The following MRPS11 variants were observed in gnomAD, a reference collection of about 807,000 sequenced individuals.
The protein encoded by MRPS11 is mitochondrial ribosomal protein S11, also known as small ribosomal subunit protein uS11m.
A neutral mutation model predicts 24.3 loss-of-function variants in MRPS11; 27 were observed. That is an observed-to-expected ratio of 1.11 (90% CI 0.82 to 1.53). The LOEUF is 1.53. Ranked by LOEUF, MRPS11 falls within the 40% of genes most tolerant of loss-of-function variation. MRPS11 has a pLI of 0.00. For missense variants in MRPS11, 277 were observed against 256.5 expected (o/e 1.08, Z -0.55); for synonymous variants, 104 against 98.7 (o/e 1.05, Z -0.32).
intron 2 of MRPS11, among the ~76,000 whole-genome samples, chr15:88,470,270 G>A (rs1268513075): frequency 6.6e-6 from 1 of 152,124 alleles, no homozygotes; most frequent in Non-Finnish European, 1.5e-5. Flanking sequence ...AGCCAAGATC[G>A]TGCCACTGCA....
At chr15:88,476,215 C>G (rs2055819732) in intron 4 of MRPS11, among the ~76,000 whole-genome samples, 1 of 152,138 alleles carries the variant, frequency 6.6e-6, no homozygotes, top group Non-Finnish European at 1.5e-5. Context: ...TTTCATAAGC[C>G]AATTGAGATT....
At position 88,477,792 on chromosome 15, in the gene MRPS11, C is replaced by A; in HGVS notation, c.478-80C>A. 1 of 1,259,080 alleles carries A rather than the reference C, an allele frequency of 7.9e-7. No individual in the cohort carries two copies. Among genetic ancestry groups the A allele is most frequent in the Non-Finnish European group, 1.1e-6 (1 of 872,098 alleles). 78.0% of individuals were successfully genotyped at this position (1,259,080 alleles called of 1,614,324 possible). ...GTTCCCTTCTCTACGCCACCCTGTC[C>A]CTCTCCGAACCCTGCCTGGAGACAC... On this transcript the variant is annotated intron_variant, in intron 5 of 5. Coordinates refer to ENST00000325844, the MANE Select transcript of MRPS11 (RefSeq NM_022839.5). The surrounding 1 kb of genome is among the most constrained non-coding windows in gnomAD (Gnocchi z 5.7).
At position 88,475,326 on chromosome 15, in the gene MRPS11, C is replaced by G; in HGVS notation, c.411+87C>G. On this transcript the variant is annotated intron_variant, in intron 4 of 5. Transcript: ENST00000325844. The surrounding 1 kb of genome is among the most constrained non-coding windows in gnomAD (Gnocchi z 4.1). ...TGAGTGGAGAATCCTCATTATACTA[C>G]CCATTCAGAAGCAAGGGTTTGTCAT... 1 of 1,557,584 alleles carries G rather than the reference C, an allele frequency of 6.4e-7. No individual in the cohort carries two copies. Among genetic ancestry groups the G allele is most frequent in the Non-Finnish European group, 8.7e-7 (1 of 1,146,638 alleles).
chr15:88,478,056 G>C lies in MRPS11; in HGVS notation c.*77G>C. 8.5e-7 allele frequency: 1 copy of C among 1,177,854 alleles called. No homozygotes were observed. The highest frequency in any genetic ancestry group is 1.2e-5 in the South Asian group (1 of 81,098). 73.0% of individuals were successfully genotyped at this position (1,177,854 alleles called of 1,614,324 possible). A position where few individuals can be genotyped will look rare whatever the true frequency, so the allele number is the denominator to read the frequency against. On this transcript the variant is annotated 3_prime_UTR_variant, in exon 6 of 6. Coordinates refer to ENST00000325844, the MANE Select transcript of MRPS11 (RefSeq NM_022839.5). This position sits in a 1 kb window ranked among gnomAD's most constrained non-coding sequence, Gnocchi z 4.7. ...ACCTTGTAAAATGCTCCCTGTCAGA[G>C]CTCTCCAGAATATGCTTGTTGGAGA...
chr15:88,471,213 A>ATT (rs1184649483), intron 2 of MRPS11, among the ~76,000 whole-genome samples: 2 of 152,224 alleles, frequency 1.3e-5, no homozygotes, highest in Non-Finnish European at 2.9e-5. Context: ...TGGAAGGATA[A>ATT]TTGAACAGGG....
At position 88,475,410 on chromosome 15, in the gene MRPS11, C is replaced by CT. The variant is rs1180217674; in HGVS notation, c.411+177dup. Among the ~76,000 whole-genome samples, 1 of 152,214 alleles carries CT rather than the reference C, an allele frequency of 6.6e-6. No individual in the cohort carries two copies. On this transcript the variant is annotated intron_variant, in intron 4 of 5. Transcript: ENST00000325844. This position sits in a 1 kb window ranked among gnomAD's most constrained non-coding sequence, Gnocchi z 4.1. ...TGAAAAGGTTTAGTGAAAGGCTCCT[C>CT]TTTTTTCTTTCTCTCAGCTTCATTA...
intron 2 of MRPS11, among the ~76,000 whole-genome samples, chr15:88,471,137 A>G (rs916176760): frequency 2.0e-5 from 3 of 152,178 alleles, no homozygotes; most frequent in African/African-American, 7.2e-5. Flanking sequence ...CCGCTCAGCA[A>G]TGAGGAAGCA....
Position 88,480,764 on chromosome 15 carries a change from G to C in MRPS11, c.*2785G>C, listed in dbSNP as rs1317469057. 1 of 152,126 alleles carries C rather than the reference G, an allele frequency of 6.6e-6. No homozygotes were observed. The allele number at this position is 152,126 out of a possible 1,614,324, so 9.4% of individuals were successfully genotyped here. A position where few individuals can be genotyped will look rare whatever the true frequency, so the allele number is the denominator to read the frequency against. ...AGGCTCTGAGTGGCCAATAAAGCTGGTGCTGTCTTAAACTGTACTGTCTCT... is the reference window on the plus strand; with the variant it reads ...AGGCTCTGAGTGGCCAATAAAGCTGCTGCTGTCTTAAACTGTACTGTCTCT... On this transcript the variant is annotated 3_prime_UTR_variant, in exon 6 of 6. Coordinates refer to ENST00000325844, the MANE Select transcript of MRPS11 (RefSeq NM_022839.5). This position sits in a 1 kb window ranked among gnomAD's most constrained non-coding sequence, Gnocchi z 5.1.
chr15:88,471,600 T>C (rs2055704818), intron 2 of MRPS11, among the ~76,000 whole-genome samples: 1 of 152,222 alleles, frequency 6.6e-6, no homozygotes, highest in Admixed American at 6.5e-5. Flanking sequence ...GCTTGGCTTC[T>C]CTTGCTAACC....
intron 2 of MRPS11, among the ~76,000 whole-genome samples, chr15:88,470,979 T>TGG (rs2055686680): frequency 6.6e-6 from 1 of 151,898 alleles, no homozygotes; most frequent in African/African-American, 2.4e-5. Flanking sequence ...GATACTGGAG[T>TGG]GGGAACATTG....
At chr15:88,468,297 C>A (rs1567042519) in intron 2 of MRPS11, 7 of 1,230,536 alleles carry the variant, frequency 5.7e-6, no homozygotes, top group Non-Finnish European at 7.2e-6. Flanking sequence ...CATGTATCAG[C>A]GTTCTTTTCT....
At position 88,472,547 on chromosome 15, in the gene MRPS11, A is replaced by G. The variant is rs537847438; in HGVS notation, c.183-80A>G. Reference sequence around the variant, plus strand: ...AAGCAGCAGGGGGCACAGAGCTGTTATTTTTTAACCATGTGTTGTATTTCT... The same window carrying G: ...AAGCAGCAGGGGGCACAGAGCTGTTGTTTTTTAACCATGTGTTGTATTTCT... On this transcript the variant is annotated intron_variant, in intron 2 of 5. Transcript: ENST00000325844. 9.8e-5 allele frequency: 121 copies of G among 1,239,794 alleles called. No individual in the cohort carries two copies. In the Admixed American group the frequency reaches 1.6e-3, roughly 16 times the overall value. The allele number at this position is 1,239,794 out of a possible 1,614,324, so 76.8% of individuals were successfully genotyped here. A position where few individuals can be genotyped will look rare whatever the true frequency, so the allele number is the denominator to read the frequency against.
At position 88,469,440 on chromosome 15, in the gene MRPS11, G is replaced by C. The variant is rs1035972631; in HGVS notation, c.182+1416G>C. 5.9e-5 allele frequency among the ~76,000 whole-genome samples: 9 copies of C among 152,332 alleles called. No individual in the cohort carries two copies. The highest frequency in any genetic ancestry group is 2.0e-4 in the Admixed American group (3 of 15,294). On this transcript the variant is annotated intron_variant, in intron 2 of 5. Coordinates refer to ENST00000325844, the MANE Select transcript of MRPS11 (RefSeq NM_022839.5). This position sits in a 1 kb window ranked among gnomAD's most constrained non-coding sequence, Gnocchi z 4.4. ...CTGCCCTCATAGAACTTAAATTCCA[G>C]TGGGTAGAAGACAGTAAATAGAAAA... is the stretch of plus-strand genomic sequence containing the variant.
Position 88,476,975 on chromosome 15 carries a change from C to T in MRPS11, c.412-14C>T. The T allele has an allele frequency of 6.2e-7, 1 of 1,612,864 alleles. No individual in the cohort carries two copies. The highest frequency in any genetic ancestry group is 8.5e-7 in the Non-Finnish European group (1 of 1,179,598). On this transcript the variant is annotated splice_polypyrimidine_tract_variant and intron_variant, in intron 4 of 5. Coordinates refer to ENST00000325844, the MANE Select transcript of MRPS11 (RefSeq NM_022839.5). ...TTCTCTCTCCGGGGCACTAACCACT[C>T]TGCTTCTCTCCAGAGAGCTAAACAA...
rs1367664976 is a variant in MRPS11, at chr15:88,477,866, T to A, written c.478-6T>A. 5.0e-6 allele frequency: 8 copies of A among 1,612,958 alleles called. No individual in the cohort carries two copies. The highest frequency in any genetic ancestry group is 6.8e-6 in the Non-Finnish European group (8 of 1,179,074). On this transcript the variant is annotated splice_region_variant and splice_polypyrimidine_tract_variant and intron_variant, in intron 5 of 5. Coordinates refer to ENST00000325844, the MANE Select transcript of MRPS11 (RefSeq NM_022839.5). The surrounding 1 kb of genome is among the most constrained non-coding windows in gnomAD (Gnocchi z 5.7). ...GTCATTCTACTTTTCCTTCTGTTCC[T>A]TCCAGTCTGCCATGCACGGACTGAT...
At chr15:88,473,003 G>GA (rs1297679999) in intron 3 of MRPS11, among the ~76,000 whole-genome samples, 1 of 152,218 alleles carries the variant, frequency 6.6e-6, no homozygotes, top group East Asian at 1.9e-4. Context: ...TCAAGAGTTG[G>GA]AAGGAGTGTA....
chr15:88,468,007 C>A lies in MRPS11; in HGVS notation c.165C>A (p.Pro55=). The change falls in exon 2 of 6, where the codon CCC becomes CCA. Residue 55 remains proline, a synonymous_variant. Transcript: ENST00000325844. ...AKQKVEQNAA[P]SHTKFSIYPP... ...AGAAAGTTGAACAGAACGCGGCTCC[C>A]AGCCACACCAAGTTCAGGTGAGCCC... is the stretch of plus-strand genomic sequence containing the variant. The A allele has an allele frequency of 6.2e-7, 1 of 1,605,044 alleles. No homozygotes were observed. Among genetic ancestry groups the A allele is most frequent in the African/African-American group, 1.3e-5 (1 of 74,776 alleles).
In MRPS11 at chr15:88,472,653, A is replaced by G. The variant is rs1166452551; in HGVS notation, c.209A>G (p.Glu70Gly). 1 of 1,613,800 alleles carries G rather than the reference A, an allele frequency of 6.2e-7. No homozygotes were observed. The highest frequency in any genetic ancestry group is 1.3e-5 in the African/African-American group (1 of 74,920). ...ATTTACCCTCCCATTCCAGGAGAGG[A>G]GAGCTCTCTGAGGTGGGCAGGAAAG... The part of the protein sequence containing the change: ...FSIYPPIPGE[E>G]SSLRWAGKKF... The change falls in exon 3 of 6, where the codon GAG (glutamate) becomes GGG (glycine). Residue 70 changes from glutamate (E) to glycine (G), a missense_variant. Physicochemically the swap from Glu to Gly is moderately conservative, Grantham distance 98. Transcript: ENST00000325844.
At position 88,477,925 on chromosome 15, in the gene MRPS11, C is replaced by A. The variant is rs1253500023; in HGVS notation, c.531C>A (p.Asp177Glu). Residue 177 changes from aspartate to glutamate, a missense_variant, in exon 6 of 6, where the codon GAC (aspartate) becomes GAA (glutamate). Physicochemically the swap from Asp to Glu is conservative, Grantham distance 45. Coordinates refer to ENST00000325844, the MANE Select transcript of MRPS11 (RefSeq NM_022839.5). The surrounding 1 kb of genome is among the most constrained non-coding windows in gnomAD (Gnocchi z 5.7). The stretch of plus-strand genomic sequence containing the variant: ...GCCTGGAAGTGATCTCAATCACAGA[C>A]AACACCCCAATCCCACACAACGGCT... ...MGGLEVISITDNTPIPHNGCR... is the reference protein window; with the variant it reads ...MGGLEVISITENTPIPHNGCR... The A allele has an allele frequency of 6.2e-7, 1 of 1,614,058 alleles. No individual in the cohort carries two copies. Among genetic ancestry groups the A allele is most frequent in the African/African-American group, 1.3e-5 (1 of 74,918 alleles).
Sources: allele counts gnomAD v4.1 joint callset (sites outside exome capture counted in the v4.1 genomes callset), GRCh38; gene constraint gnomAD v4.1.1; non-coding constraint Gnocchi (gnomAD v3.1); transcripts MANE v1.5; gene names NCBI Gene and HGNC (gene_info 2026-07-23, HGNC 2026-07-21).